Variants in ST3GAL3 observed in about 807,000 individuals in gnomAD.
ST3GAL3 encodes ST3 beta-galactoside alpha-2,3-sialyltransferase 3, also known as CMP-N-acetylneuraminate-beta-1,4-galactoside alpha-2,3-sialyltransferase.
ST3GAL3 carries 21 observed loss-of-function variants against 50.1 expected under a neutral mutation model. The ratio of observed to expected loss-of-function variants is 0.42; its 90% CI spans 0.30 to 0.60. The LOEUF is 0.60. ST3GAL3 is among the 20% of genes least tolerant of loss of function. ST3GAL3 has a pLI of 0.19. For missense variants in ST3GAL3, 353 were observed against 489.4 expected (o/e 0.72, Z 2.63); for synonymous variants, 183 against 190.0 (o/e 0.96, Z 0.30).
Position 43,929,893 on chromosome 1 carries a change from C to G in ST3GAL3, c.1039-239C>G, listed in dbSNP as rs144189378. ...GGGAAGCTTAACGGTTTTCCTGGGA[C>G]GAGGAAAGGGGTATGAAGGTTCTTT... is the stretch of plus-strand genomic sequence containing the variant. On this transcript the variant is annotated intron_variant, in intron 11 of 11. Coordinates refer to ENST00000347631, the MANE Select transcript of ST3GAL3 (RefSeq NM_006279.5). 5.8e-4 allele frequency: 349 copies of G among 600,770 alleles called. 2 individuals are homozygous for G. The highest frequency in any genetic ancestry group is 8.4e-4 in the South Asian group (52 of 61,670). The allele number at this position is 600,770 out of a possible 1,614,324, so 37.2% of individuals were successfully genotyped here. A position where few individuals can be genotyped will look rare whatever the true frequency, so the allele number is the denominator to read the frequency against.
chr1:43,759,041 C>T (rs1363273502), intron 2 of ST3GAL3, among the ~76,000 whole-genome samples: 1 of 144,878 alleles, frequency 6.9e-6, no homozygotes, highest in Non-Finnish European at 1.5e-5. Flanking sequence ...GAGACTGTCT[C>T]CTAAAAAACA....
At chr1:43,848,204 T>C (rs1340756145) in intron 5 of ST3GAL3, among the ~76,000 whole-genome samples, 1 of 152,088 alleles carries the variant, frequency 6.6e-6, no homozygotes, top group African/African-American at 2.4e-5. Context: ...TTGTATGTAG[T>C]ATTTCATTTT....
chr1:43,763,788 A>G (rs1377541130), intron 2 of ST3GAL3, among the ~76,000 whole-genome samples: 1 of 152,174 alleles, frequency 6.6e-6, no homozygotes, highest in Non-Finnish European at 1.5e-5. Context: ...GTGAGAGGAG[A>G]GAGTGTGTGT....
intron 1 of ST3GAL3, among the ~76,000 whole-genome samples, chr1:43,727,030 G>C (rs115380499): frequency 6.6e-6 from 1 of 152,050 alleles, no homozygotes; most frequent in Non-Finnish European, 1.5e-5. Flanking sequence ...ATCAGCTGTC[G>C]TTTCACTCTG....
intron 9 of ST3GAL3, among the ~76,000 whole-genome samples, chr1:43,918,366 C>G (rs573786899): frequency 3.9e-5 from 6 of 152,194 alleles, no homozygotes; most frequent in African/African-American, 1.4e-4. Context: ...AATCCACCTG[C>G]CTCAGCCTCC....
At chr1:43,922,784 A>G (rs2083264562) in intron 11 of ST3GAL3, among the ~76,000 whole-genome samples, 2 of 127,534 alleles carry the variant, frequency 1.6e-5, no homozygotes, top group Non-Finnish European at 3.3e-5. Flanking sequence ...TGGGCGACAG[A>G]GCAAGACTGT....
intron 5 of ST3GAL3, among the ~76,000 whole-genome samples, chr1:43,877,607 A>G (rs1008743867): frequency 6.6e-6 from 1 of 152,214 alleles, no homozygotes; most frequent in African/African-American, 2.4e-5. Flanking sequence ...AGTTGGATAT[A>G]TAAGTCTTGA....
intron 2 of ST3GAL3, among the ~76,000 whole-genome samples, chr1:43,778,855 G>A (rs187117557): frequency 1.3e-5 from 2 of 152,006 alleles, no homozygotes; most frequent in Admixed American, 1.3e-4. Flanking sequence ...CACCATGTTA[G>A]CCAGGATGGT....
At chr1:43,885,123 G>A (rs2075757727) in intron 5 of ST3GAL3, among the ~76,000 whole-genome samples, 1 of 152,194 alleles carries the variant, frequency 6.6e-6, no homozygotes, top group Non-Finnish European at 1.5e-5. Context: ...TCTCTTAGGA[G>A]GGCCCCAGGT....
At chr1:43,861,398 T>C (rs1042814442) in intron 5 of ST3GAL3, among the ~76,000 whole-genome samples, 1 of 151,966 alleles carries the variant, frequency 6.6e-6, no homozygotes, top group Non-Finnish European at 1.5e-5. Flanking sequence ...GCCTCAACTC[T>C]CATGGAGACC....
At chr1:43,873,027 A>G (rs2073325418) in intron 5 of ST3GAL3, among the ~76,000 whole-genome samples, 1 of 152,188 alleles carries the variant, frequency 6.6e-6, no homozygotes. Context: ...GAGATGAAGT[A>G]AGAAAGAGAA....
chr1:43,770,201 CAG>C (rs1694542945), intron 2 of ST3GAL3, among the ~76,000 whole-genome samples: 1 of 126,318 alleles, frequency 7.9e-6, no homozygotes, highest in Admixed American at 1.0e-4. Flanking sequence ...AGAGAGGAGA[CAG>C]AGAGAAGTGA....
Position 43,929,314 on chromosome 1 carries a change from T to TA in ST3GAL3, c.1039-818_1039-817insA, listed in dbSNP as rs747085593. On this transcript the variant is annotated intron_variant, in intron 11 of 11. Coordinates refer to ENST00000347631, the MANE Select transcript of ST3GAL3 (RefSeq NM_006279.5). ...AAAAAATTAGTTTTAATTATTATTT[T>TA]TTTTTTTTGAGACAGAATCTCTCTC... Among the ~76,000 whole-genome samples, 52 of 152,054 alleles carry TA rather than the reference T, an allele frequency of 3.4e-4. 1 individual carries two copies. Among genetic ancestry groups the TA allele is most frequent in the South Asian group, 1.5e-3 (7 of 4,818 alleles).
intron 5 of ST3GAL3, among the ~76,000 whole-genome samples, chr1:43,859,877 G>A (rs920949633): frequency 2.0e-5 from 3 of 152,156 alleles, no homozygotes; most frequent in East Asian, 1.9e-4. Context: ...CACATTCCCC[G>A]TCTCCATCAC....
intron 1 of ST3GAL3, among the ~76,000 whole-genome samples, chr1:43,720,168 G>T (rs981817525): frequency 6.6e-6 from 1 of 151,998 alleles, no homozygotes; most frequent in African/African-American, 2.4e-5. Flanking sequence ...GGTTGCAGCT[G>T]CACTGAGCCA....
rs114024807 is a variant in ST3GAL3, at chr1:43,861,346, C to T, written c.302+23035C>T. On this transcript the variant is annotated intron_variant, in intron 5 of 11. Coordinates refer to ENST00000347631, the MANE Select transcript of ST3GAL3 (RefSeq NM_006279.5). ...GGTGCCTGGCATGCAGTGAGTGCCTCGTCTGGGGTGGTAAGTGTGGTTCTG... is the reference window on the plus strand; with the variant it reads ...GGTGCCTGGCATGCAGTGAGTGCCTTGTCTGGGGTGGTAAGTGTGGTTCTG... 4.9e-3 allele frequency among the ~76,000 whole-genome samples: 740 copies of T among 152,168 alleles called. 3 individuals carry two copies. The highest frequency in any genetic ancestry group is 6.2e-3 in the Non-Finnish European group (423 of 68,004).
intron 9 of ST3GAL3, 104 bp from the exon 10 acceptor site, chr1:43,920,300 C>T (rs1355102448): frequency 1.4e-6 from 2 of 1,467,324 alleles, no homozygotes; most frequent in East Asian, 4.5e-5. Flanking sequence ...CCATTAAACG[C>T]CTCATGCTCC....
intron 5 of ST3GAL3, among the ~76,000 whole-genome samples, chr1:43,847,184 T>A (rs550675685): frequency 6.6e-6 from 1 of 152,320 alleles, no homozygotes; most frequent in African/African-American, 2.4e-5. Context: ...GAAATTAGAA[T>A]CCTTGTGCAC....
chr1:43,813,551 G>C (rs3791062), intron 3 of ST3GAL3, among the ~76,000 whole-genome samples: 56,370 of 151,966 alleles, frequency 0.37, 11,195 homozygotes, highest in East Asian at 0.59. Context: ...GCCTTACATT[G>C]AGTTGTGTGT....
Sources: allele counts gnomAD v4.1 joint callset (sites outside exome capture counted in the v4.1 genomes callset), GRCh38; gene constraint gnomAD v4.1.1; transcripts MANE v1.5; gene names NCBI Gene and HGNC (gene_info 2026-07-23, HGNC 2026-07-21).